The following AGBL4 variants were observed in gnomAD, a reference collection of about 807,000 sequenced individuals.
AGBL4 encodes AGBL carboxypeptidase 4.
In AGBL4, 58 loss-of-function variants were observed where a neutral mutation model predicts 66.4. The ratio of observed to expected loss-of-function variants is 0.87; its 90% CI spans 0.71 to 1.09. AGBL4 has a LOEUF of 1.09. Ranked by LOEUF, AGBL4 falls within the 50% of genes least tolerant of loss-of-function variation. AGBL4 has a pLI of 0.00. For missense variants in AGBL4, 579 were observed against 631.0 expected (o/e 0.92, Z 0.88); for synonymous variants, 234 against 222.9 (o/e 1.05, Z -0.44).
intron 2 of AGBL4, chr1:49,845,917 C>G: frequency 6.9e-7 from 1 of 1,455,018 alleles, no homozygotes; most frequent in South Asian, 1.1e-5. Context: ...AGAAGCCCTA[C>G]AAATGCAATG....
At chr1:49,311,579 T>C (rs532665463) in intron 3 of AGBL4, among the ~76,000 whole-genome samples, 1 of 152,078 alleles carries the variant, frequency 6.6e-6, no homozygotes, top group Admixed American at 6.6e-5. Context: ...TTTACATAAA[T>C]AAAGTTATCC....
chr1:49,398,701 C>CT (rs908039090), intron 3 of AGBL4, among the ~76,000 whole-genome samples: 9 of 152,166 alleles, frequency 5.9e-5, no homozygotes, highest in African/African-American at 2.2e-4. Flanking sequence ...TGTTTCCACT[C>CT]TTTTTTTAAT....
At chr1:49,047,085 G>A (rs960936051) in intron 4 of AGBL4, among the ~76,000 whole-genome samples, 1 of 152,194 alleles carries the variant, frequency 6.6e-6, no homozygotes, top group East Asian at 1.9e-4. Context: ...GCAGAATCTT[G>A]TTTCTACCTT....
intron 6 of AGBL4, among the ~76,000 whole-genome samples, chr1:48,826,523 C>T (rs567412953): frequency 3.3e-5 from 5 of 152,052 alleles, no homozygotes; most frequent in Non-Finnish European, 7.4e-5. Context: ...AAGCTTCATT[C>T]AAAGAGACTC....
At chr1:49,026,396 A>G (rs1275430607) in intron 5 of AGBL4, among the ~76,000 whole-genome samples, 1 of 152,196 alleles carries the variant, frequency 6.6e-6, no homozygotes, top group Non-Finnish European at 1.5e-5. Context: ...TAGAAAAAGA[A>G]ATTTGATATA....
chr1:49,001,133 G>A (rs1661365661), intron 5 of AGBL4, among the ~76,000 whole-genome samples: 1 of 152,112 alleles, frequency 6.6e-6, no homozygotes, highest in Non-Finnish European at 1.5e-5. Context: ...TCATTTTTAG[G>A]AACTTGCAGG....
Position 49,958,882 on chromosome 1 carries a change from G to A in AGBL4, c.34+64881C>T, listed in dbSNP as rs564763343. ...AATTTAAAAAAAGAAAATTAAAGCC[G>A]ATCATGGATCACTTCTGACAAAGTG... On this transcript the variant is annotated intron_variant, in intron 1 of 13. Coordinates refer to ENST00000371839, the MANE Select transcript of AGBL4 (RefSeq NM_032785.4). Among the ~76,000 whole-genome samples, 8 of 151,236 alleles carry A rather than the reference G, an allele frequency of 5.3e-5. No individual in the cohort carries two copies. The East Asian group carries it at 5.9e-4, about 11-fold the overall frequency.
intron 4 of AGBL4, among the ~76,000 whole-genome samples, chr1:49,069,482 A>G (rs530043812): frequency 6.6e-6 from 1 of 152,084 alleles, no homozygotes; most frequent in Non-Finnish European, 1.5e-5. Context: ...CACTTATTAA[A>G]TAGGGAATCC....
chr1:49,742,651 A>G (rs1295933196), intron 2 of AGBL4, among the ~76,000 whole-genome samples: 3 of 152,200 alleles, frequency 2.0e-5, no homozygotes, highest in Non-Finnish European at 4.4e-5. Context: ...ACTTCAAACT[A>G]TACTACAAGG....
chr1:48,561,956 C>CAT (rs1182110805), intron 11 of AGBL4, among the ~76,000 whole-genome samples: 13 of 152,058 alleles, frequency 8.5e-5, no homozygotes, highest in Non-Finnish European at 1.8e-4. Context: ...AATCTCTTTA[C>CAT]ATATATATAT....
At chr1:49,385,086 T>C (rs181501940) in intron 3 of AGBL4, among the ~76,000 whole-genome samples, 1 of 152,310 alleles carries the variant, frequency 6.6e-6, no homozygotes, top group Non-Finnish European at 1.5e-5. Flanking sequence ...ATTTCTCTTA[T>C]ATGAGGTCTC....
At chr1:49,831,103 T>A (rs957445960) in intron 2 of AGBL4, among the ~76,000 whole-genome samples, 4 of 152,226 alleles carry the variant, frequency 2.6e-5, no homozygotes, top group Non-Finnish European at 5.9e-5. Context: ...TTTTTTTTGG[T>A]TCCAAATGAA....
intron 6 of AGBL4, among the ~76,000 whole-genome samples, chr1:48,696,250 A>C (rs1294471471): frequency 1.3e-5 from 2 of 152,156 alleles, no homozygotes; most frequent in East Asian, 3.9e-4. Flanking sequence ...TACCCCCAAG[A>C]GGCCACGTGA....
chr1:48,761,447 T>C, intron 6 of AGBL4: 1 of 1,551,210 alleles, frequency 6.4e-7, no homozygotes, highest in Non-Finnish European at 8.7e-7. Context: ...TGCATCACAC[T>C]GTTTTCAAGG....
intron 3 of AGBL4, among the ~76,000 whole-genome samples, chr1:49,282,740 G>A (rs1335027610): frequency 2.0e-5 from 3 of 152,216 alleles, no homozygotes; most frequent in Non-Finnish European, 2.9e-5. Flanking sequence ...TTCCCTTTAC[G>A]AGTCAAAGAA....
chr1:49,051,746 C>T lies in AGBL4; in HGVS notation c.378-5946G>A, dbSNP rs78564222. Among the ~76,000 whole-genome samples the T allele has an allele frequency of 6.9e-3, 1,053 of 152,222 alleles. 12 individuals are homozygous for T. The highest frequency in any genetic ancestry group is 0.024 in the African/African-American group (1,001 of 41,540). Reference sequence around the variant, plus strand: ...CTATTCTAATTCCAATCCTATCTTCCACCAAATAATTATAATAGTACTCCT... The same window carrying T: ...CTATTCTAATTCCAATCCTATCTTCTACCAAATAATTATAATAGTACTCCT... On this transcript the variant is annotated intron_variant, in intron 4 of 13. Coordinates refer to ENST00000371839, the MANE Select transcript of AGBL4 (RefSeq NM_032785.4).
intron 5 of AGBL4, among the ~76,000 whole-genome samples, chr1:48,936,872 T>A (rs1036840571): frequency 6.6e-6 from 1 of 152,172 alleles, no homozygotes; most frequent in African/African-American, 2.4e-5. Flanking sequence ...GAGGAAAAAC[T>A]TGGAAAATCC....
At chr1:49,887,514 A>G (rs967419747) in intron 1 of AGBL4, among the ~76,000 whole-genome samples, 4 of 152,136 alleles carry the variant, frequency 2.6e-5, no homozygotes, top group African/African-American at 4.8e-5. Context: ...AAACAAGCTT[A>G]TATGGGTATA....
intron 3 of AGBL4, among the ~76,000 whole-genome samples, chr1:49,589,342 A>G (rs1246195974): frequency 6.6e-6 from 1 of 152,140 alleles, no homozygotes; most frequent in Non-Finnish European, 1.5e-5. Context: ...TGTGACTTGA[A>G]CCTAAAATCA....
Sources: gnomAD v4.1 joint callset for allele counts (sites outside exome capture counted in the v4.1 genomes callset) on GRCh38, gnomAD v4.1.1 for gene constraint, MANE v1.5 for transcripts, NCBI Gene and HGNC (gene_info 2026-07-23, HGNC 2026-07-21) for gene names.